ZNF91: variants seen among roughly 807,000 people sequenced by gnomAD.
ZNF91 encodes the protein zinc finger protein 91 (HPF7, HTF10).
Under a neutral mutation model 12.6 loss-of-function variants are expected in ZNF91, and 7 were observed. That is an observed-to-expected ratio of 0.55 (90% CI 0.31 to 1.04). ZNF91 has a LOEUF of 1.04. Among genes scored for constraint, ZNF91 ranks in the 50% least tolerant of loss-of-function variants. ZNF91 has a pLI of 0.05. For missense variants in ZNF91, 1,217 were observed against 1,385.4 expected (o/e 0.88, Z 1.93); for synonymous variants, 453 against 462.6 (o/e 0.98, Z 0.27).
intron 1 of ZNF91, among the ~76,000 whole-genome samples, chr19:23,385,562 T>C (rs1969843611): frequency 6.6e-6 from 1 of 152,208 alleles, no homozygotes; most frequent in South Asian, 2.1e-4. Flanking sequence ...GCTCAGATAT[T>C]GTTTGCAGAC....
intron 3 of ZNF91, among the ~76,000 whole-genome samples, chr19:23,352,213 T>C (rs1968383245): frequency 6.6e-6 from 1 of 152,166 alleles, no homozygotes; most frequent in Non-Finnish European, 1.5e-5. Flanking sequence ...AAAGTGAAAG[T>C]GAGACCCGCT....
At chr19:23,380,229 T>C (rs538043648) in intron 1 of ZNF91, 1 of 128,060 alleles carries the variant, frequency 7.8e-6, no homozygotes, top group Middle Eastern at 4.9e-3. Flanking sequence ...ATTGCACCAT[T>C]GCACTCTGGC....
chr19:23,357,099 T>C (rs1568379258), downstream of ZNF91, among the ~76,000 whole-genome samples: 2 of 152,174 alleles, frequency 1.3e-5, no homozygotes, highest in Non-Finnish European at 2.9e-5. Flanking sequence ...TGGTGATGCA[T>C]GCCTGTAATC....
intron 1 of ZNF91, among the ~76,000 whole-genome samples, chr19:23,321,746 C>G (rs959590192): frequency 1.3e-5 from 2 of 152,080 alleles, no homozygotes; most frequent in Non-Finnish European, 2.9e-5. Flanking sequence ...TTTGATGTAT[C>G]TTTCTTTTCT....
upstream of ZNF91, among the ~76,000 whole-genome samples, chr19:23,310,836 G>A (rs1228803023): frequency 2.0e-5 from 3 of 152,130 alleles, no homozygotes; most frequent in Admixed American, 6.5e-5. Flanking sequence ...GTGACATATC[G>A]CTGGACTCAA....
intron 3 of ZNF91, among the ~76,000 whole-genome samples, chr19:23,348,024 G>A (rs1356060482): frequency 2.0e-5 from 3 of 151,950 alleles, no homozygotes; most frequent in Non-Finnish European, 4.4e-5. Flanking sequence ...TCCAATAATG[G>A]GCCTGCCTTC....
chr19:23,378,829 C>G (rs2145111172), intron 1 of ZNF91, among the ~76,000 whole-genome samples: 1 of 152,236 alleles, frequency 6.6e-6, no homozygotes. Context: ...ATGGTAGGGA[C>G]CATGACTGCT....
At chr19:23,378,657 T>C (rs1383213909) in intron 1 of ZNF91, among the ~76,000 whole-genome samples, 1 of 152,166 alleles carries the variant, frequency 6.6e-6, no homozygotes, top group African/African-American at 2.4e-5. Context: ...CTTTTTTGTT[T>C]ATTAATATAT....
At chr19:23,391,993 A>G (rs184862892) in intron 1 of ZNF91, among the ~76,000 whole-genome samples, 1 of 152,358 alleles carries the variant, frequency 6.6e-6, no homozygotes, top group African/African-American at 2.4e-5. Context: ...ACAAGGGAAG[A>G]AAAGTTTAAG....
At chr19:23,371,899 A>G (rs1005825428) in intron 3 of ZNF91, among the ~76,000 whole-genome samples, 1 of 152,246 alleles carries the variant, frequency 6.6e-6, no homozygotes, top group Non-Finnish European at 1.5e-5. Context: ...ATTTTTACAC[A>G]AAATAAAATT....
chr19:23,354,750 T>G (rs1264065191), downstream of ZNF91, among the ~76,000 whole-genome samples: 3 of 152,080 alleles, frequency 2.0e-5, no homozygotes, highest in African/African-American at 7.2e-5. Context: ...CTCCTAGAAC[T>G]GATAAAACAA....
Position 23,360,962 on chromosome 19 carries a change from G to A in ZNF91, c.2017C>T (p.Leu673Phe). The A allele has an allele frequency of 6.2e-7, 1 of 1,613,510 alleles. No homozygotes were observed. Residue 673 changes from leucine to phenylalanine, a missense_variant, in exon 4 of 4, where the codon CTT (leucine) becomes TTT (phenylalanine). Leu to Phe is a conservative substitution (Grantham distance 22). Around this residue, in one of 2 missense-constraint regions of ZNF91, gnomAD observed 726 missense variants for 895.5 expected, o/e 0.81. Coordinates refer to ENST00000300619, the MANE Select transcript of ZNF91 (RefSeq NM_003430.4). ...CGKAFSNSST[L>F]ANHKITHTEE... ...GTATGAGTTATCTTATGATTAGCAA[G>A]GGTTGAGGAATTGCTAAAAGCTTTG...
Position 23,360,698 on chromosome 19 carries a change from T to C in ZNF91, c.2281A>G (p.Lys761Glu). 1 of 1,614,022 alleles carries C rather than the reference T, an allele frequency of 6.2e-7. No homozygotes were observed. The highest frequency in any genetic ancestry group is 8.5e-7 in the Non-Finnish European group (1 of 1,179,940). Residue 761 changes from lysine (K) to glutamate (E), a missense_variant, in exon 4 of 4, where the codon AAA becomes GAA. Transcript: ENST00000300619. The part of the protein sequence containing the change: ...FNWSSSLTKH[K>E]RIHTREKPFK... The stretch of plus-strand genomic sequence containing the variant: ...GGTTTCTCTCTAGTATGAATTCTTT[T>C]ATGTTTAGTAAGGCTTGAGGACCAG...
In ZNF91 at chr19:23,374,699, A is replaced by G. The variant is rs559820114; in HGVS notation, c.96T>C (p.Thr32=). Residue 32 remains threonine (T), a synonymous_variant, in exon 2 of 4, where the codon ACT becomes ACC. Transcript: ENST00000300619. ...FSPEEWQCLD[T]AQQNLYRNVM... ...CATTCCTATATAAATTCTGCTGTGC[A>G]GTGTCCAGACATTGCCACTCCTCCG... 8.0e-5 allele frequency: 129 copies of G among 1,613,246 alleles called. No homozygotes were observed. Among genetic ancestry groups the G allele is most frequent in the Admixed American group, 1.8e-4 (11 of 59,952 alleles).
intron 3 of ZNF91, among the ~76,000 whole-genome samples, chr19:23,370,896 A>T (rs1969250488): frequency 6.6e-6 from 1 of 152,248 alleles, no homozygotes. Flanking sequence ...AGACAGAAAA[A>T]ATAAAGAATT....
At chr19:23,334,439 G>A (rs77314695), downstream of ZNF91, among the ~76,000 whole-genome samples, 14 of 152,088 alleles carry the variant, frequency 9.2e-5, no homozygotes, top group African/African-American at 2.9e-4. Context: ...GTTCAGCAAC[G>A]TGCAGTGCAA....
upstream of ZNF91, among the ~76,000 whole-genome samples, chr19:23,315,328 C>T (rs556697523): frequency 4.3e-4 from 66 of 152,274 alleles, no homozygotes; most frequent in Non-Finnish European, 6.2e-4. Context: ...TCTGGGCACA[C>T]CAATTATTTG....
At chr19:23,350,176 T>C (rs544130404) in intron 3 of ZNF91, among the ~76,000 whole-genome samples, 1 of 152,186 alleles carries the variant, frequency 6.6e-6, no homozygotes, top group Non-Finnish European at 1.5e-5. Flanking sequence ...TCTCCAATTG[T>C]TGTCTTAACA....
intron 1 of ZNF91, among the ~76,000 whole-genome samples, chr19:23,321,455 G>C (rs556245574): frequency 1.2e-4 from 18 of 152,140 alleles, no homozygotes; most frequent in African/African-American, 4.3e-4. Flanking sequence ...ATATCTCCCT[G>C]CACTCCTCAC....
Sources: allele counts gnomAD v4.1 joint callset (sites outside exome capture counted in the v4.1 genomes callset), GRCh38; gene constraint gnomAD v4.1.1; regional missense constraint gnomAD v4.1.1; transcripts MANE v1.5; gene names NCBI Gene and HGNC (gene_info 2026-07-23, HGNC 2026-07-21).